The following DPP10 variants were observed in gnomAD, a reference collection of about 807,000 sequenced individuals.
The protein encoded by DPP10 is dipeptidyl peptidase like 10.
A neutral mutation model predicts 120.9 loss-of-function variants in DPP10; 33 were observed. The observed-to-expected ratio is 0.27, with a 90% confidence interval of 0.21 to 0.37. The LOEUF (loss-of-function observed/expected upper bound fraction) is 0.37, where lower values mean the gene tolerates loss of function less well. Ranked by LOEUF, DPP10 falls within the 10% of genes least tolerant of loss-of-function variation. The pLI is 1.00. For synonymous variants in DPP10, 337 were observed against 326.1 expected (o/e 1.03, Z -0.36); for missense variants, 816 against 942.8 (o/e 0.87, Z 1.76).
chr2:115,348,598 A>G (rs2063830206), intron 3 of DPP10, among the ~76,000 whole-genome samples: 1 of 152,160 alleles, frequency 6.6e-6, no homozygotes, highest in South Asian at 2.1e-4. Context: ...TTGAGCTATT[A>G]GATAAAATCA....
At chr2:114,533,627 A>G (rs752657798) in intron 1 of DPP10, among the ~76,000 whole-genome samples, 1 of 152,170 alleles carries the variant, frequency 6.6e-6, no homozygotes, top group Non-Finnish European at 1.5e-5. Flanking sequence ...AAAAATAAAA[A>G]TTAAAAAAAA....
At chr2:115,017,853 TG>T (rs1300211718) in intron 1 of DPP10, among the ~76,000 whole-genome samples, 1 of 108,270 alleles carries the variant, frequency 9.2e-6, no homozygotes, top group Non-Finnish European at 1.9e-5. Context: ...GGGCCTGTTG[TG>T]GGGTGGGGGG....
intron 4 of DPP10, among the ~76,000 whole-genome samples, chr2:115,510,745 A>G (rs1401160662): frequency 2.6e-5 from 4 of 152,180 alleles, no homozygotes; most frequent in Non-Finnish European, 5.9e-5. Flanking sequence ...AAATAGTGCT[A>G]CACTAACAAG....
chr2:114,746,030 C>A (rs1368613030), intron 1 of DPP10, among the ~76,000 whole-genome samples: 1 of 152,214 alleles, frequency 6.6e-6, no homozygotes, highest in Non-Finnish European at 1.5e-5. Context: ...ATGTGCCTTG[C>A]TGTTAGTTTC....
chr2:114,802,102 A>G (rs1684303908), intron 1 of DPP10, among the ~76,000 whole-genome samples: 1 of 152,202 alleles, frequency 6.6e-6, no homozygotes, highest in South Asian at 2.1e-4. Context: ...TTAATGTGTC[A>G]GCCTGGTAAA....
At chr2:114,725,445 T>G (rs915428378) in intron 1 of DPP10, among the ~76,000 whole-genome samples, 2 of 152,222 alleles carry the variant, frequency 1.3e-5, no homozygotes, top group African/African-American at 4.8e-5. Flanking sequence ...ACCTTTAGCC[T>G]TGGCTCCCTT....
chr2:115,674,389 T>C (rs991788875), intron 5 of DPP10, among the ~76,000 whole-genome samples: 1 of 152,016 alleles, frequency 6.6e-6, no homozygotes, highest in Non-Finnish European at 1.5e-5. Flanking sequence ...CATGATGTTT[T>C]TTTTTTTTTA....
At chr2:114,657,238 G>A (rs542537567) in intron 1 of DPP10, among the ~76,000 whole-genome samples, 9 of 152,094 alleles carry the variant, frequency 5.9e-5, no homozygotes, top group Admixed American at 2.6e-4. Flanking sequence ...CTATTTTCAC[G>A]TTCTTTCTTT....
chr2:114,714,431 G>A (rs1239740657), intron 1 of DPP10, among the ~76,000 whole-genome samples: 2 of 152,194 alleles, frequency 1.3e-5, no homozygotes, highest in Non-Finnish European at 2.9e-5. Context: ...GATGATGACA[G>A]AGGAGGGCCT....
chr2:115,678,172 A>T (rs1377134032), intron 5 of DPP10, among the ~76,000 whole-genome samples: 4 of 152,264 alleles, frequency 2.6e-5, no homozygotes, highest in African/African-American at 9.6e-5. Flanking sequence ...AGAAATTTGC[A>T]TAAGTAATGG....
chr2:115,128,394 C>T (rs1326358010), intron 1 of DPP10, among the ~76,000 whole-genome samples: 2 of 152,204 alleles, frequency 1.3e-5, no homozygotes, highest in African/African-American at 4.8e-5. Context: ...GAAGTGATCG[C>T]TGTTCTCCCT....
intron 3 of DPP10, among the ~76,000 whole-genome samples, chr2:115,446,624 C>T (rs536942968): frequency 6.6e-6 from 1 of 152,258 alleles, no homozygotes; most frequent in East Asian, 1.9e-4. Flanking sequence ...CTTTGTCTTG[C>T]TTCTCTGGGA....
At chr2:114,849,329 G>A (rs969942065) in intron 1 of DPP10, among the ~76,000 whole-genome samples, 1 of 151,948 alleles carries the variant, frequency 6.6e-6, no homozygotes, top group Admixed American at 6.6e-5. Context: ...TAAGATAGGA[G>A]GCTATATATA....
intron 1 of DPP10, among the ~76,000 whole-genome samples, chr2:114,608,034 C>A (rs1692957437): frequency 6.6e-6 from 1 of 152,174 alleles, no homozygotes. Flanking sequence ...TCTCATTAGG[C>A]TTTCAGCCAT....
At chr2:114,681,266 G>A (rs769167350) in intron 1 of DPP10, among the ~76,000 whole-genome samples, 2 of 151,904 alleles carry the variant, frequency 1.3e-5, no homozygotes, top group African/African-American at 2.4e-5. Flanking sequence ...TTATGGATAC[G>A]TTTTGCTTTA....
At chr2:115,329,895 A>G (rs1307538731) in intron 2 of DPP10, among the ~76,000 whole-genome samples, 1 of 152,178 alleles carries the variant, frequency 6.6e-6, no homozygotes, top group Non-Finnish European at 1.5e-5. Flanking sequence ...TGCAGTAAAC[A>G]TATGTGTGCA....
chr2:114,756,782 C>CT (rs111735753), intron 1 of DPP10, among the ~76,000 whole-genome samples: 2,504 of 149,620 alleles, frequency 0.017, 86 homozygotes, highest in African/African-American at 0.056. Flanking sequence ...TTAATCTCTA[C>CT]TTTTTTTTTT....
intron 1 of DPP10, among the ~76,000 whole-genome samples, chr2:115,067,543 C>T (rs1303990145): frequency 3.4e-5 from 5 of 147,752 alleles, no homozygotes; most frequent in African/African-American, 7.4e-5. Flanking sequence ...TGAGCCACCG[C>T]GCCCAGCCAG....
chr2:114,767,207 C>CA lies in DPP10; in HGVS notation c.60+324392dup, dbSNP rs5833559. Among the ~76,000 whole-genome samples, 84 of 33,042 alleles carry CA rather than the reference C, an allele frequency of 2.5e-3. 1 individual carries two copies. The highest frequency in any genetic ancestry group is 0.017 in the South Asian group (7 of 414). 21.7% of individuals were successfully genotyped at this position (33,042 alleles called of 152,430 possible). On this transcript the variant is annotated intron_variant, in intron 1 of 25. Transcript: ENST00000410059. ...AGCCAATGCTCAGGTAGGATAAAAGCAAAAAAAAAAAAAAAAAAAAAAAGT... is the reference window on the plus strand; with the variant it reads ...AGCCAATGCTCAGGTAGGATAAAAGCAAAAAAAAAAAAAAAAAAAAAAAAGT...
Sources: gnomAD v4.1 joint callset for allele counts (sites outside exome capture counted in the v4.1 genomes callset) on GRCh38, gnomAD v4.1.1 for gene constraint, MANE v1.5 for transcripts, NCBI Gene and HGNC (gene_info 2026-07-23, HGNC 2026-07-21) for gene names.